TNR: variants seen among roughly 807,000 people sequenced by gnomAD.
TNR encodes tenascin-R.
In TNR, 45 loss-of-function variants were observed where a neutral mutation model predicts 150.4. The observed-to-expected ratio is 0.30, with a 90% CI of 0.24 to 0.38. The LOEUF (loss-of-function observed/expected upper bound fraction) is 0.38. TNR is among the 10% of genes least tolerant of loss of function. The pLI is 1.00. For synonymous variants in TNR, 687 were observed against 678.4 expected (o/e 1.01, Z -0.20); for missense variants, 1,544 against 1,759.1 (o/e 0.88, Z 2.19).
At chr1:175,510,728 T>C (rs992532837) in intron 2 of TNR, among the ~76,000 whole-genome samples, 1 of 152,222 alleles carries the variant, frequency 6.6e-6, no homozygotes, top group African/African-American at 2.4e-5. Flanking sequence ...TCAAAGCAAG[T>C]TTATTCTATA....
chr1:175,472,828 G>A (rs1264923998), intron 2 of TNR, among the ~76,000 whole-genome samples: 5 of 152,186 alleles, frequency 3.3e-5, no homozygotes, highest in Non-Finnish European at 7.3e-5. Context: ...ATCCCTGGCT[G>A]GGCTTGTGAT....
At chr1:175,390,838 T>C (rs182254272) in intron 7 of TNR, among the ~76,000 whole-genome samples, 63 of 152,374 alleles carry the variant, frequency 4.1e-4, no homozygotes, top group African/African-American at 1.4e-3. Flanking sequence ...TCATATTAAC[T>C]TAATGAAGAA....
intron 1 of TNR, among the ~76,000 whole-genome samples, chr1:175,624,476 A>G (rs1664081882): frequency 6.6e-6 from 1 of 152,220 alleles, no homozygotes; most frequent in Non-Finnish European, 1.5e-5. Flanking sequence ...ATACAGAGAC[A>G]TACATGGAGA....
At chr1:175,366,278 T>A in intron 10 of TNR, 140 bp from the exon 11 acceptor site, 1 of 882,560 alleles carries the variant, frequency 1.1e-6, no homozygotes, top group Non-Finnish European at 1.6e-6. Flanking sequence ...ACTTATCTAA[T>A]ATTTTGCTAA....
chr1:175,587,511 A>C (rs1282486708), intron 1 of TNR, among the ~76,000 whole-genome samples: 1 of 152,372 alleles, frequency 6.6e-6, no homozygotes, highest in East Asian at 1.9e-4. Flanking sequence ...TGGTAGATAC[A>C]TAGAAAAAAT....
chr1:175,368,194 A>G (rs1447377630), intron 9 of TNR, among the ~76,000 whole-genome samples: 6 of 152,224 alleles, frequency 3.9e-5, no homozygotes, highest in Admixed American at 6.5e-5. Context: ...ACAAAAGTGG[A>G]TTCTCTTACA....
intron 1 of TNR, among the ~76,000 whole-genome samples, chr1:175,537,186 G>A (rs1660325170): frequency 6.6e-6 from 1 of 152,212 alleles, no homozygotes; most frequent in Non-Finnish European, 1.5e-5. Context: ...AATTGCATTT[G>A]CTAGCCATCA....
At chr1:175,489,108 G>A (rs1402929528) in intron 2 of TNR, among the ~76,000 whole-genome samples, 1 of 152,152 alleles carries the variant, frequency 6.6e-6, no homozygotes, top group East Asian at 1.9e-4. Flanking sequence ...TGTAAGGATG[G>A]AAAAAGGTGA....
chr1:175,376,049 G>T (rs1652361765), intron 9 of TNR, among the ~76,000 whole-genome samples: 1 of 152,046 alleles, frequency 6.6e-6, no homozygotes, highest in Admixed American at 6.5e-5. Context: ...CTAAGTGAGT[G>T]CTTCTCACTC....
At position 175,331,101 on chromosome 1, in the gene TNR, C is replaced by CTTTCTTTCTT. The variant is rs1368309847; in HGVS notation, c.3632-867_3632-866insAAGAAAGAAA. On this transcript the variant is annotated intron_variant, in intron 20 of 22. Transcript: ENST00000367674. ...TCCTTCTTTCTTTCTTTCTTTCTTT[C>CTTTCTTTCTT]TCTCTCTCTTTCTTTTCTTTCTTTC... is the stretch of plus-strand genomic sequence containing the variant. Among the ~76,000 whole-genome samples the CTTTCTTTCTT allele has an allele frequency of 2.4e-4, 24 of 98,198 alleles. 2 individuals are homozygous for CTTTCTTTCTT. The highest frequency in any genetic ancestry group is 5.0e-3 in the Middle Eastern group (1 of 202). The allele number at this position is 98,198 out of a possible 152,430, so 64.4% of individuals were successfully genotyped here.
At chr1:175,645,799 T>C (rs931321416) in intron 1 of TNR, among the ~76,000 whole-genome samples, 2 of 152,248 alleles carry the variant, frequency 1.3e-5, no homozygotes, top group Admixed American at 6.5e-5. Context: ...AATGTATCCA[T>C]TATCTCAACT....
intron 2 of TNR, among the ~76,000 whole-genome samples, chr1:175,456,213 G>A (rs2102099236): frequency 6.6e-6 from 1 of 152,236 alleles, no homozygotes; most frequent in Non-Finnish European, 1.5e-5. Flanking sequence ...TCTTGCTTTG[G>A]AAGGTCACAT....
intron 13 of TNR, among the ~76,000 whole-genome samples, chr1:175,363,238 G>T (rs532624046): frequency 7.9e-5 from 12 of 152,224 alleles, no homozygotes; most frequent in Non-Finnish European, 1.2e-4. Context: ...CAGGATGCAG[G>T]TGAGGTCTGG....
At chr1:175,387,106 C>T (rs530211468) in intron 7 of TNR, among the ~76,000 whole-genome samples, 3 of 152,204 alleles carry the variant, frequency 2.0e-5, no homozygotes, top group Non-Finnish European at 4.4e-5. Context: ...CTGCAGGGCC[C>T]ACCAGCTGTG....
At chr1:175,710,899 T>C (rs903416978) in intron 1 of TNR, among the ~76,000 whole-genome samples, 2 of 152,156 alleles carry the variant, frequency 1.3e-5, no homozygotes, top group Non-Finnish European at 2.9e-5. Flanking sequence ...GAGCCTTCCA[T>C]ACGATGGGCT....
At chr1:175,351,998 C>T (rs1216304139) in intron 18 of TNR, among the ~76,000 whole-genome samples, 2 of 152,152 alleles carry the variant, frequency 1.3e-5, no homozygotes, top group East Asian at 3.8e-4. Context: ...CTGCACTGTC[C>T]ACCAAATGAA....
At chr1:175,617,018 C>T (rs1045905506) in intron 1 of TNR, among the ~76,000 whole-genome samples, 4 of 152,168 alleles carry the variant, frequency 2.6e-5, no homozygotes, top group Admixed American at 1.3e-4. Context: ...CTACTCTTTC[C>T]ACCACTCCCA....
At chr1:175,679,374 C>T (rs1665962555) in intron 1 of TNR, among the ~76,000 whole-genome samples, 1 of 152,176 alleles carries the variant, frequency 6.6e-6, no homozygotes, top group African/African-American at 2.4e-5. Flanking sequence ...GGGCCATAGA[C>T]CATATTTACT....
chr1:175,505,039 G>C (rs1237937249), intron 2 of TNR, among the ~76,000 whole-genome samples: 1 of 54 alleles, frequency 0.019, no homozygotes, highest in Non-Finnish European at 0.036. Context: ...CTCCAGGACT[G>C]TGTTGGATTC....
Sources: gnomAD v4.1 joint callset for allele counts (sites outside exome capture counted in the v4.1 genomes callset) on GRCh38, gnomAD v4.1.1 for gene constraint, MANE v1.5 for transcripts, NCBI Gene and HGNC (gene_info 2026-07-23, HGNC 2026-07-21) for gene names.